The following SLC10A1 variants were observed in gnomAD, a reference collection of about 807,000 sequenced individuals.
SLC10A1 encodes the protein solute carrier family 10 member 1, also known as hepatic sodium/bile acid cotransporter.
A neutral mutation model predicts 20.5 loss-of-function variants in SLC10A1; 36 were observed. The observed-to-expected ratio is 1.75, with a 90% CI of 1.34 to 2.32. The LOEUF is 2.32. SLC10A1 is among the 30% of genes most tolerant of loss of function. SLC10A1 has a pLI of 0.00. For synonymous variants in SLC10A1, 188 were observed against 163.6 expected (o/e 1.15, Z -1.14); for missense variants, 545 against 439.1 (o/e 1.24, Z -2.16).
rs1445760290 is a variant in SLC10A1 at position 69,777,075 on chromosome 14, A to G, written c.944-687T>C. ...AGTCTTGAGAGCTAAAGATCCATAGAGTATTGTCCTTTGAGGTCACTTCAG... is the reference window on the plus strand; with the variant it reads ...AGTCTTGAGAGCTAAAGATCCATAGGGTATTGTCCTTTGAGGTCACTTCAG... On this transcript the variant is annotated intron_variant, in intron 4 of 4. Coordinates refer to ENST00000216540, the MANE Select transcript of SLC10A1 (RefSeq NM_003049.4). Among the ~76,000 whole-genome samples the G allele has an allele frequency of 6.6e-5, 10 of 152,320 alleles. No individual in the cohort carries two copies. In the East Asian group the frequency reaches 1.7e-3, roughly 26 times the overall value.
intron 3 of SLC10A1, among the ~76,000 whole-genome samples, chr14:69,778,832 A>G (rs1883515406): frequency 6.6e-6 from 1 of 152,200 alleles, no homozygotes; most frequent in African/African-American, 2.4e-5. Flanking sequence ...CTGAAAGACT[A>G]GGACAAGAAT....
At chr14:69,776,745 A>G (rs144222112) in intron 4 of SLC10A1, among the ~76,000 whole-genome samples, 318 of 152,370 alleles carry the variant, frequency 2.1e-3, no homozygotes, top group African/African-American at 7.4e-3. Context: ...GAGAAAGTCT[A>G]ACCAAGAGAG....
In SLC10A1 at chr14:69,779,183, G is replaced by T. The variant is rs76966244; in HGVS notation, c.745C>A (p.Arg249=). ...CTTAAAAAAAAAAAAAATACCTACC[G>T]TCCATTGAGGCAGAAGAGAGCAGAG... The part of the protein sequence containing the change: ...VLSALFCLNG[R]CRRTVSMETG... Residue 249 remains arginine (R), a splice_region_variant and synonymous_variant, in exon 3 of 5, where the codon CGG becomes AGG. Transcript: ENST00000216540. 2.9e-3 allele frequency: 4,539 copies of T among 1,583,728 alleles called. 18 individuals carry two copies. Among genetic ancestry groups the T allele is most frequent in the Non-Finnish European group, 2.7e-3 (3,104 of 1,168,250 alleles).
Position 69,776,305 on chromosome 14 carries a change from C to G in SLC10A1, c.1027G>C (p.Asp343His). ...ALGNGTYKGEDCSPCTA is the reference protein window; with the variant it reads ...ALGNGTYKGEHCSPCTA ...GGCTAGGCTGTGCAAGGGGAGCAGT[C>G]CTCCCCTTTGTAGGTGCCATTTCCC... Residue 343 changes from aspartate to histidine, a missense_variant, in exon 5 of 5, where the codon GAC becomes CAC. Transcript: ENST00000216540. 6.2e-7 allele frequency: 1 copy of G among 1,612,496 alleles called. No individual in the cohort carries two copies. The highest frequency in any genetic ancestry group is 8.5e-7 in the Non-Finnish European group (1 of 1,179,124).
intron 2 of SLC10A1, among the ~76,000 whole-genome samples, chr14:69,780,608 A>G (rs1344553300): frequency 6.6e-6 from 1 of 152,222 alleles, no homozygotes; most frequent in Admixed American, 6.5e-5. Flanking sequence ...ATATTGCTCA[A>G]ATTTCAGCTG....
rs774528826 is a variant in SLC10A1, at chr14:69,796,816, C to G, written c.340G>C (p.Gly114Arg). 6 of 1,613,742 alleles carry G rather than the reference C, an allele frequency of 3.7e-6. No homozygotes were observed. The highest frequency in any genetic ancestry group is 5.1e-6 in the Non-Finnish European group (6 of 1,179,860). The change falls in exon 1 of 5, where the codon GGG (glycine) becomes CGG (arginine). Residue 114 changes from glycine to arginine, a missense_variant. Gly to Arg is a moderately radical substitution (Grantham distance 125). Transcript: ENST00000216540. ...LSNVFSLAMK[G>R]DMNLSIVMTT... Reference sequence around the variant, plus strand: ...CAGGCCTACCTGAGGTTCATGTCCCCCTTCATGGCCAGACTGAAGACATTG... The same window carrying G: ...CAGGCCTACCTGAGGTTCATGTCCCGCTTCATGGCCAGACTGAAGACATTG...
At chr14:69,792,583 C>T (rs553470928) in intron 1 of SLC10A1, among the ~76,000 whole-genome samples, 1 of 152,326 alleles carries the variant, frequency 6.6e-6, no homozygotes, top group Non-Finnish European at 1.5e-5. Context: ...GATCTTCAGA[C>T]ACTGCTAGGG....
At chr14:69,783,166 G>A (rs1395308012) in intron 2 of SLC10A1, among the ~76,000 whole-genome samples, 3 of 152,264 alleles carry the variant, frequency 2.0e-5, no homozygotes, top group Non-Finnish European at 2.9e-5. Flanking sequence ...TTGTTTTTCT[G>A]CTGGTGTGTG....
intron 2 of SLC10A1, among the ~76,000 whole-genome samples, chr14:69,782,254 A>G (rs1566635929): frequency 6.6e-6 from 1 of 152,078 alleles, no homozygotes; most frequent in East Asian, 1.9e-4. Flanking sequence ...TTTTTAGATT[A>G]CCTTTTATGT....
chr14:69,777,854 A>G (rs1303834347), intron 4 of SLC10A1, among the ~76,000 whole-genome samples: 1 of 135,248 alleles, frequency 7.4e-6, no homozygotes, highest in South Asian at 2.2e-4. Flanking sequence ...TTTTTTCTTT[A>G]TTCTGGGTTA....
intron 2 of SLC10A1, among the ~76,000 whole-genome samples, chr14:69,780,882 T>C (rs565852953): frequency 6.6e-6 from 1 of 152,362 alleles, no homozygotes; most frequent in Non-Finnish European, 1.5e-5. Flanking sequence ...TTTTAATCTC[T>C]ATCAAGAGTG....
intron 4 of SLC10A1, among the ~76,000 whole-genome samples, chr14:69,777,597 T>TTG (rs1883478134): frequency 1.0e-5 from 1 of 97,906 alleles, no homozygotes; most frequent in Non-Finnish European, 1.9e-5. Flanking sequence ...TTTTTTTTTT[T>TTG]TTTTTTTTAA....
At position 69,796,986 on chromosome 14, in the gene SLC10A1, T is replaced by C. The variant is rs199725236; in HGVS notation, c.170A>G (p.Lys57Arg). Reference protein sequence around the residue: ...EFSKIKAHLWKPKGLAIALVA... With the variant: ...EFSKIKAHLWRPKGLAIALVA... ...CAGGGCGATGGCCAGCCCTTTAGGC[T>C]TCCATAAGTGAGCCTTGATCTTGCT... Residue 57 changes from lysine to arginine, a missense_variant, in exon 1 of 5, where the codon AAG (lysine) becomes AGG (arginine). Lys to Arg is a conservative substitution (Grantham distance 26). Transcript: ENST00000216540. The C allele has an allele frequency of 1.2e-6, 2 of 1,614,236 alleles. No homozygotes were observed.
Position 69,778,384 on chromosome 14 carries a change from G to T in SLC10A1, c.892C>A (p.Leu298Ile). The change falls in exon 4 of 5, where the codon CTT becomes ATT. Residue 298 changes from leucine (L) to isoleucine (I), a missense_variant. Transcript: ENST00000216540. Reference protein sequence around the residue: ...LYMIFQLGEGLLLIAIFWCYE... With the variant: ...LYMIFQLGEGILLIAIFWCYE... ...CACCAAAATATGGCAATGAGGAGAA[G>T]CCCTTCTCCAAGCTGGAAAATCATG... is the stretch of plus-strand genomic sequence containing the variant. The T allele has an allele frequency of 6.2e-7, 1 of 1,613,708 alleles. No individual in the cohort carries two copies. Among genetic ancestry groups the T allele is most frequent in the Non-Finnish European group, 8.5e-7 (1 of 1,179,796 alleles).
chr14:69,789,520 T>C (rs2139719767), intron 1 of SLC10A1, among the ~76,000 whole-genome samples: 1 of 152,298 alleles, frequency 6.6e-6, no homozygotes, highest in Non-Finnish European at 1.5e-5. Context: ...TTAGTGGTTG[T>C]CAAGGGTTGG....
At chr14:69,788,080 C>G (rs986197285) in intron 1 of SLC10A1, among the ~76,000 whole-genome samples, 2 of 151,816 alleles carry the variant, frequency 1.3e-5, no homozygotes, top group African/African-American at 2.4e-5. Flanking sequence ...TGGGGGAACT[C>G]AAGCTGAAGC....
In SLC10A1 at chr14:69,780,555, G is replaced by A. The variant is rs74061431; in HGVS notation, c.568-1195C>T. Among the ~76,000 whole-genome samples, 830 of 152,254 alleles carry A rather than the reference G, an allele frequency of 5.5e-3. 3 individuals carry two copies. Among genetic ancestry groups the A allele is most frequent in the African/African-American group, 0.019 (776 of 41,538 alleles). On this transcript the variant is annotated intron_variant, in intron 2 of 4. Coordinates refer to ENST00000216540, the MANE Select transcript of SLC10A1 (RefSeq NM_003049.4). Reference sequence around the variant, plus strand: ...TCACTTTTGAGTGTACAGTTCAGTGGCATTAAGTACATTCATAATGTCCTA... The same window carrying A: ...TCACTTTTGAGTGTACAGTTCAGTGACATTAAGTACATTCATAATGTCCTA...
intron 1 of SLC10A1, among the ~76,000 whole-genome samples, chr14:69,787,845 C>T (rs910425218): frequency 1.3e-5 from 2 of 151,954 alleles, no homozygotes; most frequent in Non-Finnish European, 2.9e-5. Context: ...GCCTGGGCAA[C>T]AAAGTAAGAC....
At chr14:69,779,871 C>T (rs1024334125) in intron 2 of SLC10A1, among the ~76,000 whole-genome samples, 2 of 152,186 alleles carry the variant, frequency 1.3e-5, no homozygotes, top group Non-Finnish European at 2.9e-5. Flanking sequence ...CTTATATACA[C>T]ATTCCTACAA....
Sources: allele counts gnomAD v4.1 joint callset (sites outside exome capture counted in the v4.1 genomes callset), GRCh38; gene constraint gnomAD v4.1.1; transcripts MANE v1.5; gene names NCBI Gene and HGNC (gene_info 2026-07-23, HGNC 2026-07-21).